Variants in PCM1 observed in about 807,000 individuals in gnomAD.
The protein encoded by PCM1 is pericentriolar material 1, also known as pericentriolar material 1 protein.
Under a neutral mutation model 241.9 loss-of-function variants are expected in PCM1, and 157 were observed. That is an observed-to-expected ratio of 0.65 (90% confidence interval 0.57 to 0.74). The LOEUF (loss-of-function observed/expected upper bound fraction) is 0.74, where lower values mean the gene tolerates loss of function less well. Among genes scored for constraint, PCM1 ranks in the 30% least tolerant of loss-of-function variants. The pLI is 0.00. For missense variants in PCM1, 3,478 were observed against 2,360.1 expected, an observed-to-expected ratio of 1.47 and a Z score of -9.81; for synonymous variants, 1,085 against 784.9, an observed-to-expected ratio of 1.38 and a Z score of -6.39.
chr8:17,985,415 A>T, intron 24 of PCM1, 32 bp from the exon 25 acceptor site: 1 of 1,491,540 alleles, frequency 6.7e-7, no homozygotes, highest in African/African-American at 1.4e-5. Context: ...TACTTCATCA[A>T]TATTAACTTT....
chr8:17,958,929 C>G (rs1429491677), intron 13 of PCM1, among the ~76,000 whole-genome samples: 1 of 152,112 alleles, frequency 6.6e-6, no homozygotes, highest in Non-Finnish European at 1.5e-5. Context: ...ACCATATTGG[C>G]CAGGCTGGTC....
chr8:18,001,526 CAT>C (rs551161709), intron 29 of PCM1, among the ~76,000 whole-genome samples: 66 of 152,270 alleles, frequency 4.3e-4, no homozygotes, highest in East Asian at 1.2e-3. Flanking sequence ...CAGATGGAGA[CAT>C]GTGCAACAAA....
At chr8:17,941,006 C>G (rs7843729) in intron 6 of PCM1, among the ~76,000 whole-genome samples, 29,724 of 151,994 alleles carry the variant, frequency 0.2, 3,568 homozygotes, top group East Asian at 0.4. Context: ...TAGTATTGAC[C>G]TGCATAATTC....
At chr8:18,007,208 C>T (rs567932292) in intron 30 of PCM1, among the ~76,000 whole-genome samples, 24 of 152,102 alleles carry the variant, frequency 1.6e-4, no homozygotes, top group Non-Finnish European at 8.8e-5. Context: ...TTCTTCTCAT[C>T]TTTATTACAG....
chr8:17,948,452 G>A (rs371105442), intron 7 of PCM1, among the ~76,000 whole-genome samples: 8 of 151,584 alleles, frequency 5.3e-5, no homozygotes, highest in East Asian at 3.9e-4. Flanking sequence ...TTACAGGTGC[G>A]CACCACCATG....
At chr8:17,995,205 A>G (rs776443800) in intron 29 of PCM1, among the ~76,000 whole-genome samples, 13 of 151,458 alleles carry the variant, frequency 8.6e-5, no homozygotes, top group South Asian at 2.1e-4. Context: ...ACTTTTGTAT[A>G]TGGTGAGAGA....
At chr8:17,928,739 C>T (rs1296057365) in intron 2 of PCM1, among the ~76,000 whole-genome samples, 1 of 149,680 alleles carries the variant, frequency 6.7e-6, no homozygotes, top group Non-Finnish European at 1.5e-5. Context: ...TCAAACGATT[C>T]TCCTGCCTCA....
chr8:17,984,350 A>G (rs1294330972), intron 24 of PCM1, among the ~76,000 whole-genome samples: 2 of 151,950 alleles, frequency 1.3e-5, no homozygotes, highest in Admixed American at 1.3e-4. Flanking sequence ...TTACAGAGAT[A>G]ATTTTGGTTC....
Position 17,972,440 on chromosome 8 carries a change from A to G in PCM1, c.3696A>G (p.Val1232=). Residue 1232 remains valine (V), a synonymous_variant, in exon 23 of 39, where the codon GTA becomes GTG. Transcript: ENST00000325083. The stretch of plus-strand genomic sequence containing the variant: ...TCAAGACTGGATTTTCAGTGTCTGT[A>G]GAAAAATCTACAAGTAGTAACCGCA... The part of the protein sequence containing the change: ...PFIKTGFSVS[V]EKSTSSNRKN... 2.5e-6 allele frequency: 4 copies of G among 1,613,216 alleles called. No individual in the cohort carries two copies. The highest frequency in any genetic ancestry group is 2.2e-5 in the South Asian group (2 of 90,940).
At chr8:17,958,678 T>A (rs920872130) in intron 13 of PCM1, among the ~76,000 whole-genome samples, 1 of 152,076 alleles carries the variant, frequency 6.6e-6, no homozygotes, top group Non-Finnish European at 1.5e-5. Flanking sequence ...ATTACTCAAG[T>A]AAAAGGTGAG....
chr8:17,989,039 C>T (rs1227022623), intron 26 of PCM1, among the ~76,000 whole-genome samples: 3 of 151,976 alleles, frequency 2.0e-5, no homozygotes, highest in Admixed American at 2.0e-4. Flanking sequence ...TAGCCTCAAA[C>T]TGAAGCATCA....
intron 28 of PCM1, among the ~76,000 whole-genome samples, chr8:17,992,470 A>G (rs2085022006): frequency 6.6e-6 from 1 of 151,974 alleles, no homozygotes; most frequent in African/African-American, 2.4e-5. Flanking sequence ...ATCACATTGT[A>G]GTTTGTGCTT....
chr8:17,992,610 C>CT (rs71545503), intron 28 of PCM1, among the ~76,000 whole-genome samples: 59,896 of 128,276 alleles, frequency 0.47, 15,167 homozygotes, highest in Non-Finnish European at 0.6. Context: ...ACTACTACTA[C>CT]TTTTTTTTTT....
In PCM1 at chr8:17,923,172, G is replaced by C. The variant is rs2055167945; in HGVS notation, c.-107G>C. ...CTGTCGCTCTGCCTTTGACAGGAGA[G>C]GCTGCTTCTTGTAGAGGTAATGCCT... On this transcript the variant is annotated 5_prime_UTR_variant, in exon 1 of 39. Transcript: ENST00000325083. The C allele has an allele frequency of 6.6e-6, 1 of 152,448 alleles. No individual in the cohort carries two copies. 9.4% of individuals were successfully genotyped at this position (152,448 alleles called of 1,614,324 possible).
At chr8:17,968,505 G>A (rs902813887) in intron 21 of PCM1, among the ~76,000 whole-genome samples, 1 of 152,068 alleles carries the variant, frequency 6.6e-6, no homozygotes, top group Non-Finnish European at 1.5e-5. Flanking sequence ...AGGAGTAACT[G>A]AAAGACATTA....
rs546257649 is a variant in PCM1, at chr8:17,996,528, A to G, written c.4827+2909A>G. 5.9e-5 allele frequency among the ~76,000 whole-genome samples: 9 copies of G among 151,930 alleles called. No individual in the cohort carries two copies. The East Asian group carries it at 1.7e-3, about 29-fold the overall frequency. ...GGTTAATGGTTTGCCAATTTTATGT[A>G]TCTTTTAAAATACCAACTTTTTGTT... On this transcript the variant is annotated intron_variant, in intron 29 of 38. Transcript: ENST00000325083.
At chr8:17,947,759 A>T (rs2064377512) in intron 7 of PCM1, among the ~76,000 whole-genome samples, 1 of 152,210 alleles carries the variant, frequency 6.6e-6, no homozygotes, top group South Asian at 2.1e-4. Flanking sequence ...TAAGTGAGGC[A>T]GTGAGTAAAT....
chr8:17,938,065 A>G (rs1208569724), intron 4 of PCM1, among the ~76,000 whole-genome samples: 4 of 152,320 alleles, frequency 2.6e-5, no homozygotes, highest in East Asian at 1.9e-4. Flanking sequence ...CATTGGGTCC[A>G]AAGCGTATAA....
At position 17,979,293 on chromosome 8, in the gene PCM1, T is replaced by A. The variant is rs1477295747; in HGVS notation, c.3944-1298T>A. 2.0e-5 allele frequency among the ~76,000 whole-genome samples: 3 copies of A among 152,210 alleles called. No homozygotes were observed. In the East Asian group the frequency reaches 5.8e-4, roughly 29 times the overall value. On this transcript the variant is annotated intron_variant, in intron 23 of 38. Coordinates refer to ENST00000325083, the MANE Select transcript of PCM1 (RefSeq NM_006197.4). The stretch of plus-strand genomic sequence containing the variant: ...ATTATTTACCATTATTTGGGAAGCA[T>A]TAGGTCAAATAATTGGAATTATAAT...
Sources: allele counts gnomAD v4.1 joint callset (sites outside exome capture counted in the v4.1 genomes callset), GRCh38; gene constraint gnomAD v4.1.1; transcripts MANE v1.5; gene names NCBI Gene and HGNC (gene_info 2026-07-23, HGNC 2026-07-21).